The following ANTXR1 variants were observed in gnomAD, a reference collection of about 807,000 sequenced individuals.
The protein encoded by ANTXR1 is anthrax toxin receptor 1.
ANTXR1 carries 19 observed loss-of-function variants against 78.1 expected under a neutral mutation model. The observed-to-expected ratio is 0.24, with a 90% confidence interval of 0.17 to 0.36. The LOEUF is 0.36. Among genes scored for constraint, ANTXR1 ranks in the 10% least tolerant of loss-of-function variants. The probability of loss-of-function intolerance (pLI) is 1.00; values close to 1 mark genes in which losing one functional copy is unlikely to be tolerated. For missense variants in ANTXR1, 518 were observed against 718.6 expected, an observed-to-expected ratio of 0.72 and a Z score of 3.19; for synonymous variants, 273 against 260.5, an observed-to-expected ratio of 1.05 and a Z score of -0.46.
chr2:69,029,050 C>G (rs60503438), intron 1 of ANTXR1, among the ~76,000 whole-genome samples: 2,554 of 150,280 alleles, frequency 0.017, 96 homozygotes, highest in East Asian at 0.17. Flanking sequence ...GACCCCCCCC[C>G]CTCCATCTCT....
chr2:69,231,602 G>A (rs575803881), intron 17 of ANTXR1, among the ~76,000 whole-genome samples: 5 of 152,242 alleles, frequency 3.3e-5, no homozygotes, highest in South Asian at 2.1e-4. Flanking sequence ...TTTTTGGGTC[G>A]ATTGGGCTCA....
intron 17 of ANTXR1, among the ~76,000 whole-genome samples, chr2:69,235,349 G>GAAAAAATAGACTCTA (rs1410899095): frequency 6.6e-6 from 1 of 151,758 alleles, no homozygotes. Flanking sequence ...TAAGGGATAT[G>GAAAAAATAGACTCTA]AAAAAATAGA....
chr2:69,013,515 C>T lies in ANTXR1; in HGVS notation c.16C>T (p.Arg6Trp). MATAE[R>W]RALGIGFQWL... is the part of the protein sequence containing the mutation. ...GCTGCGGGCCATGGCCACGGCGGAG[C>T]GGAGAGCCCTCGGCATCGGCTTCCA... Residue 6 changes from arginine (R) to tryptophan (W), a missense_variant, in exon 1 of 18, where the codon CGG becomes TGG. Transcript: ENST00000303714. The surrounding 1 kb of genome is among the most constrained non-coding windows in gnomAD (Gnocchi z 5.0). The T allele has an allele frequency of 6.3e-7, 1 of 1,589,062 alleles. No individual in the cohort carries two copies. The highest frequency in any genetic ancestry group is 2.3e-5 in the East Asian group (1 of 44,050).
At chr2:69,202,571 A>G (rs1219509772) in intron 17 of ANTXR1, among the ~76,000 whole-genome samples, 3 of 152,144 alleles carry the variant, frequency 2.0e-5, no homozygotes, top group Non-Finnish European at 1.5e-5. Flanking sequence ...GAAGACAAGA[A>G]CTCACTGTTA....
At chr2:69,167,878 G>A (rs537394970) in intron 13 of ANTXR1, among the ~76,000 whole-genome samples, 32 of 152,286 alleles carry the variant, frequency 2.1e-4, no homozygotes, top group African/African-American at 7.5e-4. Flanking sequence ...TTAGCATTGT[G>A]TTTTGGGTTC....
intron 9 of ANTXR1, among the ~76,000 whole-genome samples, chr2:69,095,459 T>C (rs1440053108): frequency 6.6e-6 from 1 of 152,196 alleles, no homozygotes; most frequent in African/African-American, 2.4e-5. Flanking sequence ...GTGAGAGCAC[T>C]ACTGAGATGC....
chr2:69,048,162 A>G (rs1265325618), intron 3 of ANTXR1, among the ~76,000 whole-genome samples: 2 of 152,188 alleles, frequency 1.3e-5, no homozygotes, highest in African/African-American at 2.4e-5. Flanking sequence ...ATGTGTCATC[A>G]TTTAGAAATA....
intron 3 of ANTXR1, among the ~76,000 whole-genome samples, chr2:69,060,822 G>C (rs1008653347): frequency 2.0e-5 from 3 of 152,110 alleles, no homozygotes; most frequent in African/African-American, 7.2e-5. Context: ...ACTTTAAAAT[G>C]AGATTTTTAA....
chr2:69,151,503 G>A (rs1213957605), intron 12 of ANTXR1, among the ~76,000 whole-genome samples: 2 of 152,130 alleles, frequency 1.3e-5, no homozygotes, highest in Non-Finnish European at 2.9e-5. Flanking sequence ...CACAGAAACT[G>A]TGTCTAGGAC....
chr2:69,087,627 A>G (rs545159075), intron 8 of ANTXR1, among the ~76,000 whole-genome samples: 5 of 152,140 alleles, frequency 3.3e-5, no homozygotes, highest in Admixed American at 3.3e-4. Flanking sequence ...TCCTCTGCAG[A>G]TCAATCATAC....
intron 16 of ANTXR1, among the ~76,000 whole-genome samples, chr2:69,191,332 T>C (rs1674539306): frequency 6.6e-6 from 1 of 152,206 alleles, no homozygotes; most frequent in African/African-American, 2.4e-5. Context: ...TATATGTGTA[T>C]ATAATCCACC....
intron 6 of ANTXR1, among the ~76,000 whole-genome samples, chr2:69,073,639 A>T (rs1407975864): frequency 6.6e-6 from 1 of 152,166 alleles, no homozygotes; most frequent in African/African-American, 2.4e-5. Flanking sequence ...CTCAAAAATT[A>T]TTCCTCAAGG....
intron 14 of ANTXR1, among the ~76,000 whole-genome samples, chr2:69,176,679 A>G (rs1347706600): frequency 6.6e-6 from 1 of 152,210 alleles, no homozygotes; most frequent in Non-Finnish European, 1.5e-5. Context: ...TAGTTGCTTG[A>G]GTTAGTGAAA....
At chr2:69,209,256 G>A (rs1267705220) in intron 17 of ANTXR1, among the ~76,000 whole-genome samples, 1 of 152,136 alleles carries the variant, frequency 6.6e-6, no homozygotes, top group Non-Finnish European at 1.5e-5. Context: ...AGGAACCTGA[G>A]TTGACTAGAG....
Position 69,152,345 on chromosome 2 carries a change from T to C in ANTXR1, c.1047+81T>C, listed in dbSNP as rs549569396. 21 of 1,408,936 alleles carry C rather than the reference T, an allele frequency of 1.5e-5. No individual in the cohort carries two copies. The South Asian group carries it at 2.3e-4, about 15-fold the overall frequency. 87.3% of individuals were successfully genotyped at this position (1,408,936 alleles called of 1,614,324 possible). A position where few individuals can be genotyped will look rare whatever the true frequency, so the allele number is the denominator to read the frequency against. On this transcript the variant is annotated intron_variant, in intron 13 of 17. Coordinates refer to ENST00000303714, the MANE Select transcript of ANTXR1 (RefSeq NM_032208.3). ...ACCATGAGTAGAGAGAAAGGGATTT[T>C]TAAAAAACTAAAGATGGGAGACAAA...
At chr2:69,044,834 T>C in intron 3 of ANTXR1, 21 bp downstream of exon 3, 1 of 1,612,124 alleles carries the variant, frequency 6.2e-7, no homozygotes, top group South Asian at 1.1e-5. Flanking sequence ...TTCTTATCTC[T>C]GTTGTTAAAA....
chr2:69,176,039 T>C (rs1318890064), intron 14 of ANTXR1, among the ~76,000 whole-genome samples: 1 of 151,778 alleles, frequency 6.6e-6, no homozygotes, highest in Non-Finnish European at 1.5e-5. Context: ...CTGTCAGGCA[T>C]CTTCTTGCCA....
chr2:69,198,009 A>G (rs759958975), intron 17 of ANTXR1, among the ~76,000 whole-genome samples: 2 of 152,202 alleles, frequency 1.3e-5, no homozygotes, highest in Non-Finnish European at 1.5e-5. Context: ...GTCATATTAC[A>G]TTGCATATCT....
rs11892329 is a variant in ANTXR1, at chr2:69,062,092, G to A, written c.297-8555G>A. ...AGCTTCCATACTTAAAGGTGGATGCGTGGTCTAGGTTTGGGTAATTGGAGG... is the reference window on the plus strand; with the variant it reads ...AGCTTCCATACTTAAAGGTGGATGCATGGTCTAGGTTTGGGTAATTGGAGG... On this transcript the variant is annotated intron_variant, in intron 3 of 17. Transcript: ENST00000303714. 5.3e-3 allele frequency among the ~76,000 whole-genome samples: 811 copies of A among 152,272 alleles called. 9 individuals are homozygous for A. Among genetic ancestry groups the A allele is most frequent in the African/African-American group, 0.017 (710 of 41,542 alleles).
Sources: gnomAD v4.1 joint callset for allele counts (sites outside exome capture counted in the v4.1 genomes callset) on GRCh38, gnomAD v4.1.1 for gene constraint, Gnocchi (gnomAD v3.1) non-coding constraint, MANE v1.5 for transcripts, NCBI Gene and HGNC (gene_info 2026-07-23, HGNC 2026-07-21) for gene names.